The following AKAP9 variants were observed in gnomAD, a reference collection of about 807,000 sequenced individuals.
AKAP9 encodes the protein A-kinase anchor protein 9.
Under a neutral mutation model 488.5 loss-of-function variants are expected in AKAP9, and 311 were observed. The observed-to-expected ratio is 0.64, with a 90% confidence interval of 0.58 to 0.70. The LOEUF (loss-of-function observed/expected upper bound fraction) is 0.70. Ranked by LOEUF, AKAP9 falls within the 30% of genes least tolerant of loss-of-function variation. AKAP9 has a pLI of 0.00. For synonymous variants in AKAP9, 1,462 were observed against 1,483.5 expected (o/e 0.99, Z 0.33); for missense variants, 4,215 against 4,374.5 (o/e 0.96, Z 1.03).
At chr7:91,976,108 A>G (rs966934866) in intron 2 of AKAP9, among the ~76,000 whole-genome samples, 158 of 151,738 alleles carry the variant, frequency 1.0e-3, no homozygotes, top group Non-Finnish European at 4.3e-4. Flanking sequence ...TTTTTAGTAG[A>G]GATGGGGTTT....
intron 1 of AKAP9, among the ~76,000 whole-genome samples, chr7:91,946,650 A>G (rs1791485633): frequency 6.6e-6 from 1 of 152,210 alleles, no homozygotes; most frequent in Non-Finnish European, 1.5e-5. Flanking sequence ...CCGAGATTAT[A>G]GGGGTGACCC....
intron 29 of AKAP9, 69 bp downstream of exon 29, chr7:92,077,076 A>ATTT: frequency 3.8e-5 from 16 of 417,494 alleles, no homozygotes; most frequent in Non-Finnish European, 5.3e-5. Flanking sequence ...CTTTATTATT[A>ATTT]TTATTATTAT....
chr7:91,973,995 A>G, intron 2 of AKAP9, 27 bp downstream of exon 2: 1 of 1,613,132 alleles, frequency 6.2e-7, no homozygotes. Flanking sequence ...ATTTTTAATC[A>G]TTATGGTTCT....
intron 14 of AKAP9, among the ~76,000 whole-genome samples, chr7:92,024,305 A>G (rs1802761388): frequency 6.6e-6 from 1 of 151,532 alleles, no homozygotes; most frequent in Admixed American, 6.6e-5. Flanking sequence ...CCAGCTACTC[A>G]GGAGGCTGAG....
At chr7:92,103,240 A>T (rs1353958723) in intron 46 of AKAP9, among the ~76,000 whole-genome samples, 1 of 151,932 alleles carries the variant, frequency 6.6e-6, no homozygotes, top group Non-Finnish European at 1.5e-5. Context: ...AAAACAAAAA[A>T]TTAGCTGGGC....
At chr7:92,019,695 A>G (rs1802044590) in intron 12 of AKAP9, among the ~76,000 whole-genome samples, 1 of 151,584 alleles carries the variant, frequency 6.6e-6, no homozygotes, top group Admixed American at 6.6e-5. Flanking sequence ...CCTTGGCAAC[A>G]TTTTAGTAGG....
rs765888359 is a variant in AKAP9, at chr7:92,052,889, G to C, written c.5532G>C (p.Leu1844=). The change falls in exon 22 of 50, where the codon CTG becomes CTC. Residue 1844 remains leucine, a synonymous_variant. Transcript: ENST00000356239. ...EIDPENEELM[L]NISSRLQAAV... is the part of the protein sequence containing the mutation. ...ACCCTGAAAATGAAGAACTTATGCT[G>C]AACATTAGCTCTCGACTACAAGCAG... is the stretch of plus-strand genomic sequence containing the variant. 75 of 1,613,648 alleles carry C rather than the reference G, an allele frequency of 4.6e-5. 1 individual carries two copies. The South Asian group carries it at 8.1e-4, about 17-fold the overall frequency.
chr7:92,012,383 T>C, intron 8 of AKAP9, 46 bp from the exon 9 acceptor site: 4 of 1,514,406 alleles, frequency 2.6e-6, no homozygotes, highest in Non-Finnish European at 3.6e-6. Flanking sequence ...AATTATTTGA[T>C]TTGTCATTTA....
chr7:92,084,770 G>A (rs1814209140), intron 34 of AKAP9, 49 bp from the exon 35 acceptor site: 3 of 1,603,312 alleles, frequency 1.9e-6, no homozygotes, highest in African/African-American at 1.3e-5. Flanking sequence ...TTTGGGGACT[G>A]GGGTTTGATT....
chr7:92,075,844 A>G (rs1227732864), intron 28 of AKAP9, among the ~76,000 whole-genome samples: 1 of 152,194 alleles, frequency 6.6e-6, no homozygotes. Flanking sequence ...CAGTGTTCAG[A>G]TATGGTTCTC....
At chr7:92,005,603 A>G (rs1307589724) in intron 8 of AKAP9, among the ~76,000 whole-genome samples, 2 of 152,206 alleles carry the variant, frequency 1.3e-5, no homozygotes, top group East Asian at 1.9e-4. Flanking sequence ...TATCAAATGT[A>G]GAGATATTTT....
intron 12 of AKAP9, among the ~76,000 whole-genome samples, chr7:92,021,827 G>A (rs1214523419): frequency 6.6e-6 from 1 of 151,966 alleles, no homozygotes; most frequent in Non-Finnish European, 1.5e-5. Flanking sequence ...CAGTTACCTG[G>A]TTGTACATAG....
intron 26 of AKAP9, among the ~76,000 whole-genome samples, chr7:92,067,049 A>G (rs959884364): frequency 6.6e-6 from 1 of 151,980 alleles, no homozygotes; most frequent in South Asian, 2.1e-4. Context: ...TCCCAGAAAT[A>G]CTTCCTTCTC....
chr7:92,100,882 T>C lies in AKAP9; in HGVS notation c.10923T>C (p.Gly3641=). The change falls in exon 45 of 50, where the codon GGT becomes GGC. Residue 3641 remains glycine (G), a synonymous_variant. Coordinates refer to ENST00000356239, the MANE Select transcript of AKAP9 (RefSeq NM_005751.5). ...DNSSRFSLNG[G]ANIEAIIASE... ...CTTCCAGGTTTTCATTGAATGGTGG[T>C]GCCAACATTGAAGCCATCATTGCCT... The C allele has an allele frequency of 6.2e-7, 1 of 1,614,140 alleles. No individual in the cohort carries two copies. Among genetic ancestry groups the C allele is most frequent in the Non-Finnish European group, 8.5e-7 (1 of 1,180,010 alleles).
At chr7:91,971,900 A>G (rs1418906693) in intron 1 of AKAP9, among the ~76,000 whole-genome samples, 1 of 136,392 alleles carries the variant, frequency 7.3e-6, no homozygotes, top group Non-Finnish European at 1.6e-5. Flanking sequence ...AGATTTTGTT[A>G]TTTATTCTAG....
intron 12 of AKAP9, among the ~76,000 whole-genome samples, chr7:92,019,865 T>G (rs1339108287): frequency 6.6e-6 from 1 of 151,550 alleles, no homozygotes; most frequent in East Asian, 1.9e-4. Flanking sequence ...TACAAAAAAA[T>G]TAGCTGGGTG....
At chr7:92,058,487 T>C in intron 22 of AKAP9, 2 of 396,026 alleles carry the variant, frequency 5.1e-6, no homozygotes, top group Non-Finnish European at 5.0e-6. Flanking sequence ...ATATTAAGGC[T>C]AAATGGGATA....
intron 1 of AKAP9, among the ~76,000 whole-genome samples, chr7:91,945,519 A>G (rs1485671816): frequency 2.0e-5 from 3 of 152,162 alleles, no homozygotes; most frequent in South Asian, 2.1e-4. Context: ...AAAACAAAAC[A>G]AAACAAAAAC....
intron 1 of AKAP9, among the ~76,000 whole-genome samples, chr7:91,957,415 T>A (rs909849969): frequency 2.0e-5 from 3 of 152,326 alleles, no homozygotes; most frequent in Admixed American, 1.3e-4. Flanking sequence ...TTGAATTATT[T>A]CTGAGTTTCC....
Sources: gnomAD v4.1 joint callset for allele counts (sites outside exome capture counted in the v4.1 genomes callset) on GRCh38, gnomAD v4.1.1 for gene constraint, MANE v1.5 for transcripts, NCBI Gene and HGNC (gene_info 2026-07-23, HGNC 2026-07-21) for gene names.